MYO16: variants seen among roughly 807,000 people sequenced by gnomAD.
MYO16 encodes the protein unconventional myosin-XVI.
MYO16 carries 94 observed loss-of-function variants against 205.3 expected under a neutral mutation model. The ratio of observed to expected loss-of-function variants is 0.46; its 90% CI spans 0.39 to 0.54. The LOEUF (loss-of-function observed/expected upper bound fraction) is 0.54, where lower values mean the gene tolerates loss of function less well. MYO16 is among the 20% of genes least tolerant of loss of function. The pLI is 0.00. For synonymous variants in MYO16, 988 were observed against 954.0 expected (o/e 1.04, Z -0.66); for missense variants, 2,315 against 2,387.5 (o/e 0.97, Z 0.63).
At chr13:109,084,777 G>A (rs966430759) in intron 27 of MYO16, among the ~76,000 whole-genome samples, 3 of 150,804 alleles carry the variant, frequency 2.0e-5, no homozygotes, top group Non-Finnish European at 3.0e-5. Flanking sequence ...GTGAATGTCT[G>A]GACACTAAAG....
chr13:109,095,331 T>G, intron 27 of MYO16, among the ~76,000 whole-genome samples: 1 of 152,332 alleles, frequency 6.6e-6, no homozygotes, highest in African/African-American at 2.4e-5. Flanking sequence ...GTTGCTCCTG[T>G]GCTCCGGACT....
chr13:108,961,194 C>A (rs1353845210), intron 17 of MYO16, among the ~76,000 whole-genome samples: 2 of 152,160 alleles, frequency 1.3e-5, no homozygotes, highest in African/African-American at 2.4e-5. Flanking sequence ...TCTAACCTTA[C>A]AAGTGAAGCC....
At chr13:109,134,935 C>T (rs1468433309) in intron 31 of MYO16, among the ~76,000 whole-genome samples, 1 of 152,188 alleles carries the variant, frequency 6.6e-6, no homozygotes, top group Non-Finnish European at 1.5e-5. Context: ...AAACTATACT[C>T]ACCCCTACCC....
At position 108,844,414 on chromosome 13, in the gene MYO16, C is replaced by T. The variant is rs1877409072; in HGVS notation, c.1169C>T (p.Thr390Ile). The T allele has an allele frequency of 1.2e-6, 2 of 1,613,192 alleles. No individual in the cohort carries two copies. Among genetic ancestry groups the T allele is most frequent in the Admixed American group, 1.7e-5 (1 of 59,946 alleles). Residue 390 changes from threonine to isoleucine, a missense_variant, in exon 10 of 35, where the codon ACA becomes ATA. Physicochemically the swap from Thr to Ile is moderately conservative, Grantham distance 89. This residue lies in a region of MYO16 where 1,213 missense variants were observed against 1,274.4 expected (regional missense o/e 0.95). Coordinates refer to ENST00000457511, the MANE Select transcript of MYO16 (RefSeq NM_001198950.3). The part of the protein sequence containing the change: ...LEKDIMFKDA[T>I]KGLCKQQSQD... The stretch of plus-strand genomic sequence containing the variant: ...AAAGACATTATGTTCAAAGATGCAA[C>T]AAAAGGTCTGTGTAAGCAGCAGTCT...
chr13:108,540,864 C>T, the MYO16 span, among the ~76,000 whole-genome samples: 3 of 151,996 alleles, frequency 2.0e-5, no homozygotes, highest in Non-Finnish European at 4.4e-5. Context: ...CAATGTCAGC[C>T]AAGAAAGAGA....
intron 34 of MYO16, among the ~76,000 whole-genome samples, chr13:109,180,850 C>A (rs994867031): frequency 2.8e-4 from 43 of 152,230 alleles, no homozygotes; most frequent in Admixed American, 9.2e-4. Flanking sequence ...ATCACAGATG[C>A]TTCCTCTGAG....
chr13:108,608,816 G>A (rs551445456), intron 1 of MYO16, among the ~76,000 whole-genome samples: 1 of 152,048 alleles, frequency 6.6e-6, no homozygotes, highest in East Asian at 1.9e-4. Context: ...CTAATTTTTT[G>A]TGTTTTTAGT....
rs190004751 is a variant in MYO16, at chr13:108,822,578, A to T, written c.944-547A>T. 1.3e-3 allele frequency among the ~76,000 whole-genome samples: 204 copies of T among 152,262 alleles called. 1 individual carries two copies. In the Middle Eastern group the frequency reaches 0.031, roughly 23 times the overall value. ...GTGTTCAGATGTTACTGTTATGTGT[A>T]ATTTGTAAGGAAATATATTTATTTA... On this transcript the variant is annotated intron_variant, in intron 8 of 34. Coordinates refer to ENST00000457511, the MANE Select transcript of MYO16 (RefSeq NM_001198950.3).
intron 4 of MYO16, among the ~76,000 whole-genome samples, chr13:108,751,710 T>G (rs1885244681): frequency 6.6e-6 from 1 of 152,228 alleles, no homozygotes; most frequent in East Asian, 1.9e-4. Flanking sequence ...CTTCATGTGA[T>G]GTCATGGGAA....
the MYO16 span, among the ~76,000 whole-genome samples, chr13:108,518,684 G>A: frequency 1.3e-5 from 2 of 152,064 alleles, no homozygotes; most frequent in African/African-American, 4.8e-5. Context: ...AAGTGATAAA[G>A]TCAAAACAAC....
intron 16 of MYO16, 111 bp downstream of exon 16, chr13:108,910,261 A>AT (rs1174615087): frequency 8.2e-7 from 1 of 1,218,372 alleles, no homozygotes; most frequent in Non-Finnish European, 1.2e-6. Context: ...TGAGTAAAAG[A>AT]TAACTGTTGG....
At chr13:109,100,646 G>A (rs1888931824) in intron 27 of MYO16, 139 bp from the exon 28 acceptor site, 1 of 593,716 alleles carries the variant, frequency 1.7e-6, no homozygotes, top group African/African-American at 1.8e-5. Context: ...ATGCACAATG[G>A]ACAGGTATTT....
At position 108,767,095 on chromosome 13, in the gene MYO16, GTTTGT is replaced by G. The variant is rs914729512; in HGVS notation, c.508-18520_508-18516del. Among the ~76,000 whole-genome samples the G allele has an allele frequency of 3.3e-5, 5 of 149,760 alleles. No individual in the cohort carries two copies. The South Asian group carries it at 6.5e-4, about 20-fold the overall frequency. ...GTTGTATCTGGGTTTTTGTTTGTTTGTTTGTTTTGTTTTGTTTTGTTTTGAGACAG... is the reference window on the plus strand; with the variant it reads ...GTTGTATCTGGGTTTTTGTTTGTTTGTTTGTTTTGTTTTGTTTTGAGACAG... On this transcript the variant is annotated intron_variant, in intron 4 of 34. Transcript: ENST00000457511.
chr13:108,578,811 A>G, the MYO16 span, among the ~76,000 whole-genome samples: 3 of 151,960 alleles, frequency 2.0e-5, no homozygotes, highest in African/African-American at 4.8e-5. Context: ...GTTCATAACT[A>G]TGGACTGCAT....
chr13:108,945,531 C>A (rs1882904682), intron 16 of MYO16, among the ~76,000 whole-genome samples: 1 of 152,096 alleles, frequency 6.6e-6, no homozygotes, highest in Admixed American at 6.5e-5. Flanking sequence ...CATTAGGTGT[C>A]AAAATGGAAC....
intron 23 of MYO16, among the ~76,000 whole-genome samples, chr13:109,039,862 A>C (rs559234582): frequency 6.6e-6 from 1 of 152,186 alleles, no homozygotes; most frequent in African/African-American, 2.4e-5. Context: ...GGAATTAGAA[A>C]AAAAGGAGAA....
At position 109,127,485 on chromosome 13, in the gene MYO16, G is replaced by T. The variant is rs769220983; in HGVS notation, c.3986G>T (p.Arg1329Leu). 1 of 1,613,768 alleles carries T rather than the reference G, an allele frequency of 6.2e-7. No individual in the cohort carries two copies. Among genetic ancestry groups the T allele is most frequent in the Admixed American group, 1.7e-5 (1 of 60,024 alleles). Residue 1329 changes from arginine to leucine, a missense_variant, in exon 31 of 35, where the codon CGG (arginine) becomes CTG (leucine). By Grantham distance (102) the Arg-to-Leu change is moderately radical (BLOSUM62 -2). Around this residue, in one of 3 missense-constraint regions of MYO16, gnomAD observed 1,097 missense variants for 1,092.0 expected, o/e 1.00. Coordinates refer to ENST00000457511, the MANE Select transcript of MYO16 (RefSeq NM_001198950.3). The surrounding 1 kb of genome is among the most constrained non-coding windows in gnomAD (Gnocchi z 4.2). ...AAGCCAAAGAGGGACCCCAACACCCGGCTGAGTGCTTCCTATGAGGCTGTG... is the reference window on the plus strand; with the variant it reads ...AAGCCAAAGAGGGACCCCAACACCCTGCTGAGTGCTTCCTATGAGGCTGTG... ...PPKPKRDPNT[R>L]LSASYEAVSA...
At position 109,206,956 on chromosome 13, in the gene MYO16, A is replaced by G; in HGVS notation, c.*120A>G. The G allele has an allele frequency of 1.3e-6, 1 of 773,750 alleles. No individual in the cohort carries two copies. The highest frequency in any genetic ancestry group is 2.1e-6 in the Non-Finnish European group (1 of 478,526). The allele number at this position is 773,750 out of a possible 1,614,324, so 47.9% of individuals were successfully genotyped here. On this transcript the variant is annotated 3_prime_UTR_variant, in exon 35 of 35. Coordinates refer to ENST00000457511, the MANE Select transcript of MYO16 (RefSeq NM_001198950.3). ...CTCCACGCATTTAGACAAAAAAAGC[A>G]CAGGACACAGACACTAAATATATGA...
chr13:108,922,473 A>C lies in MYO16; in HGVS notation c.1925+12323A>C, dbSNP rs566949860. ...TCTTCCCTGGTACAAAAAAAATTCC[A>C]TTCTCATGGCTTAAAATGCTTTGAT... On this transcript the variant is annotated intron_variant, in intron 16 of 34. Coordinates refer to ENST00000457511, the MANE Select transcript of MYO16 (RefSeq NM_001198950.3). 2.6e-5 allele frequency among the ~76,000 whole-genome samples: 4 copies of C among 152,316 alleles called. No homozygotes were observed. In the South Asian group the frequency reaches 8.3e-4, roughly 32 times the overall value.
Sources: gnomAD v4.1 joint callset for allele counts (sites outside exome capture counted in the v4.1 genomes callset) on GRCh38, gnomAD v4.1.1 for gene constraint, gnomAD v4.1.1 regional missense constraint, Gnocchi (gnomAD v3.1) non-coding constraint, MANE v1.5 for transcripts, NCBI Gene and HGNC (gene_info 2026-07-23, HGNC 2026-07-21) for gene names.